Variants in CDK5RAP2 observed in about 807,000 individuals in gnomAD.
CDK5RAP2 encodes the protein CDK5 regulatory subunit associated protein 2.
CDK5RAP2 carries 147 observed loss-of-function variants against 232.9 expected under a neutral mutation model. The ratio of observed to expected loss-of-function variants is 0.63; its 90% CI spans 0.55 to 0.72. CDK5RAP2 has a LOEUF of 0.72. Ranked by LOEUF, CDK5RAP2 falls within the 30% of genes least tolerant of loss-of-function variation. The probability of loss-of-function intolerance (pLI) is 0.00; values close to 1 mark genes in which losing one functional copy is unlikely to be tolerated. For missense variants in CDK5RAP2, 2,195 were observed against 2,231.5 expected (o/e 0.98, Z 0.33); for synonymous variants, 833 against 833.7 (o/e 1.00, Z 0.01).
chr9:120,564,947 G>A (rs796990319), intron 3 of CDK5RAP2, among the ~76,000 whole-genome samples: 3 of 152,264 alleles, frequency 2.0e-5, no homozygotes, highest in South Asian at 2.1e-4. Flanking sequence ...AGACCAATAC[G>A]ACAGGCTCCC....
intron 12 of CDK5RAP2, among the ~76,000 whole-genome samples, chr9:120,505,383 T>C (rs558768525): frequency 1.5e-4 from 23 of 152,254 alleles, no homozygotes; most frequent in Middle Eastern, 6.8e-3. Context: ...AACTGGCCAT[T>C]CCCTGTCTCC....
At chr9:120,572,393 G>A (rs2042886406) in intron 1 of CDK5RAP2, among the ~76,000 whole-genome samples, 1 of 152,172 alleles carries the variant, frequency 6.6e-6, no homozygotes, top group African/African-American at 2.4e-5. Flanking sequence ...TGCCCTCCCT[G>A]TAAAAATTAA....
intron 12 of CDK5RAP2, among the ~76,000 whole-genome samples, chr9:120,514,293 A>G (rs1485187638): frequency 6.6e-6 from 1 of 152,176 alleles, no homozygotes; most frequent in Non-Finnish European, 1.5e-5. Flanking sequence ...CTGAAACAAA[A>G]TACCACTTTT....
At position 120,419,779 on chromosome 9, in the gene CDK5RAP2, T is replaced by G. The variant is rs1554734516; in HGVS notation, c.4177+9A>C. The G allele has an allele frequency of 1.2e-6, 2 of 1,608,636 alleles. No homozygotes were observed. The highest frequency in any genetic ancestry group is 1.7e-6 in the Non-Finnish European group (2 of 1,175,106). On this transcript the variant is annotated intron_variant, in intron 27 of 37. Coordinates refer to ENST00000349780, the MANE Select transcript of CDK5RAP2 (RefSeq NM_018249.6). ...CCATGTTTAAAACACTTAATGAGGC[T>G]TAGCTTACCTTGAGAAAAACTGTTC...
At chr9:120,467,473 T>G (rs1300043608) in intron 18 of CDK5RAP2, among the ~76,000 whole-genome samples, 1 of 152,014 alleles carries the variant, frequency 6.6e-6, no homozygotes, top group Non-Finnish European at 1.5e-5. Context: ...CAATACCCAG[T>G]CCACAACAAA....
At chr9:120,501,784 G>A (rs2039586597) in intron 12 of CDK5RAP2, among the ~76,000 whole-genome samples, 1 of 152,196 alleles carries the variant, frequency 6.6e-6, no homozygotes, top group African/African-American at 2.4e-5. Flanking sequence ...GCCACATGGA[G>A]CAGAATACCC....
intron 12 of CDK5RAP2, among the ~76,000 whole-genome samples, chr9:120,501,645 G>C (rs563173766): frequency 6.6e-6 from 1 of 152,074 alleles, no homozygotes; most frequent in Non-Finnish European, 1.5e-5. Context: ...ATGAGAATAC[G>C]GCAGAAGTGA....
chr9:120,553,444 C>T (rs1233754311), intron 3 of CDK5RAP2, among the ~76,000 whole-genome samples: 1 of 152,222 alleles, frequency 6.6e-6, no homozygotes, highest in African/African-American at 2.4e-5. Context: ...GTTTCTCCCT[C>T]TCTGTTTCAT....
chr9:120,397,544 T>TAAAAAAAAAAAAAAAAAA (rs760469422), intron 35 of CDK5RAP2, among the ~76,000 whole-genome samples: 2 of 49,176 alleles, frequency 4.1e-5, no homozygotes, highest in Non-Finnish European at 7.3e-5. Context: ...AAAACATTCT[T>TAAAAAAAAAAAAAAAAAA]AAAAAAAAAA....
Position 120,407,107 on chromosome 9 carries a change from A to T in CDK5RAP2, c.4868T>A (p.Leu1623Gln). Residue 1623 changes from leucine to glutamine, a missense_variant, in exon 32 of 38, where the codon CTG becomes CAG. Leu to Gln is a moderately radical substitution (Grantham distance 113). Transcript: ENST00000349780. ...CTGTGCCTTCTCTGCCCCCCTTGCC[A>T]GCTGTTCCTTGAGCCTGCTCTGCAG... Reference protein sequence around the residue: ...STLQSRLKEQLARGAEKAQEG... With the variant: ...STLQSRLKEQQARGAEKAQEG... The T allele has an allele frequency of 6.2e-7, 1 of 1,614,070 alleles. No homozygotes were observed. The highest frequency in any genetic ancestry group is 8.5e-7 in the Non-Finnish European group (1 of 1,180,038).
chr9:120,480,828 T>G (rs1216835359), intron 14 of CDK5RAP2, among the ~76,000 whole-genome samples: 1 of 152,160 alleles, frequency 6.6e-6, no homozygotes, highest in African/African-American at 2.4e-5. Flanking sequence ...AAACCACCAG[T>G]CTGGTCATGA....
chr9:120,552,600 A>T (rs1469515999), intron 3 of CDK5RAP2, among the ~76,000 whole-genome samples: 2 of 150,594 alleles, frequency 1.3e-5, no homozygotes, highest in Non-Finnish European at 3.0e-5. Flanking sequence ...AGGATAAAAA[A>T]CCAAACACCA....
At position 120,408,476 on chromosome 9, in the gene CDK5RAP2, G is replaced by A. The variant is rs755285807; in HGVS notation, c.4605-8C>T. The A allele has an allele frequency of 1.2e-6, 2 of 1,614,072 alleles. No homozygotes were observed. The highest frequency in any genetic ancestry group is 8.5e-7 in the Non-Finnish European group (1 of 1,179,992). ...TTCACCTCCTCCTGCACCCTGAGAAGGCCCCACAGGCATGAGAAGGACAGG... is the reference window on the plus strand; with the variant it reads ...TTCACCTCCTCCTGCACCCTGAGAAAGCCCCACAGGCATGAGAAGGACAGG... On this transcript the variant is annotated splice_polypyrimidine_tract_variant and splice_region_variant and intron_variant, in intron 30 of 37. Transcript: ENST00000349780.
At chr9:120,574,071 C>G (rs2042947278) in intron 1 of CDK5RAP2, among the ~76,000 whole-genome samples, 1 of 152,172 alleles carries the variant, frequency 6.6e-6, no homozygotes. Flanking sequence ...CTGAAAAGTA[C>G]CTAGCAAACA....
chr9:120,459,126 G>GACTT (rs1392965363), intron 19 of CDK5RAP2, among the ~76,000 whole-genome samples: 7 of 152,170 alleles, frequency 4.6e-5, no homozygotes, highest in African/African-American at 1.7e-4. Context: ...TCACAAAGCT[G>GACTT]ACTTACTCTT....
At position 120,408,372 on chromosome 9, in the gene CDK5RAP2, C is replaced by T; in HGVS notation, c.4701G>A (p.Leu1567=). ...LRVELKAYEK[L]DEEHRRLREA... ...CTCTCAGTCTCCTGTGCTCTTCATC[C>T]AGCTTCTCATACGCCTTCAGCTCCA... Residue 1567 remains leucine, a synonymous_variant, in exon 31 of 38, where the codon CTG becomes CTA. Coordinates refer to ENST00000349780, the MANE Select transcript of CDK5RAP2 (RefSeq NM_018249.6). 1 of 1,614,160 alleles carries T rather than the reference C, an allele frequency of 6.2e-7. No individual in the cohort carries two copies. The highest frequency in any genetic ancestry group is 8.5e-7 in the Non-Finnish European group (1 of 1,180,032).
Position 120,580,036 on chromosome 9 carries a change from C to G in CDK5RAP2, c.-58G>C. On this transcript the variant is annotated 5_prime_UTR_variant, in exon 1 of 38. Coordinates refer to ENST00000349780, the MANE Select transcript of CDK5RAP2 (RefSeq NM_018249.6). The stretch of plus-strand genomic sequence containing the variant: ...TGGCGGCGGCGCCACTAGTACCCCC[C>G]GCGATAGCGACCCGCCGGGCTCCCC... The G allele has an allele frequency of 1.7e-6, 2 of 1,188,758 alleles. No homozygotes were observed. The highest frequency in any genetic ancestry group is 2.5e-5 in the South Asian group (2 of 79,626). The allele number at this position is 1,188,758 out of a possible 1,614,324, so 73.6% of individuals were successfully genotyped here.
intron 1 of CDK5RAP2, among the ~76,000 whole-genome samples, chr9:120,578,408 A>G (rs1212323432): frequency 1.3e-5 from 2 of 152,216 alleles, no homozygotes; most frequent in Non-Finnish European, 2.9e-5. Context: ...GCATGATGAA[A>G]TATCACAGGA....
At chr9:120,446,320 G>A (rs1302663419) in intron 22 of CDK5RAP2, among the ~76,000 whole-genome samples, 1 of 152,046 alleles carries the variant, frequency 6.6e-6, no homozygotes, top group East Asian at 1.9e-4. Context: ...TCCACCTCGT[G>A]GGTTCAAGCA....
Sources: gnomAD v4.1 joint callset for allele counts (sites outside exome capture counted in the v4.1 genomes callset) on GRCh38, gnomAD v4.1.1 for gene constraint, MANE v1.5 for transcripts, NCBI Gene and HGNC (gene_info 2026-07-23, HGNC 2026-07-21) for gene names.